The following MDFIC variants were observed in gnomAD, a reference collection of about 807,000 sequenced individuals.
MDFIC encodes the protein myoD family inhibitor domain-containing protein.
Under a neutral mutation model 23.2 loss-of-function variants are expected in MDFIC, and 17 were observed. The observed-to-expected ratio is 0.73, with a 90% CI of 0.50 to 1.10. MDFIC has a LOEUF of 1.10. Among genes scored for constraint, MDFIC ranks in the 50% least tolerant of loss-of-function variants. The pLI is 0.00. For missense variants in MDFIC, 356 were observed against 316.6 expected, an observed-to-expected ratio of 1.12 and a Z score of -0.95; for synonymous variants, 120 against 115.2, an observed-to-expected ratio of 1.04 and a Z score of -0.27.
intron 4 of MDFIC, chr7:115,014,665 G>T: frequency 1.8e-6 from 1 of 565,504 alleles, no homozygotes; most frequent in Non-Finnish European, 2.5e-6. Context: ...ATTAATTCTG[G>T]TAAAAATTCA....
chr7:115,009,452 T>C (rs1379909759), intron 4 of MDFIC, among the ~76,000 whole-genome samples: 1 of 152,226 alleles, frequency 6.6e-6, no homozygotes, highest in Non-Finnish European at 1.5e-5. Flanking sequence ...TCAGGGTTCC[T>C]TTCACTTTAA....
chr7:114,983,318 T>C (rs1793450118), intron 4 of MDFIC, among the ~76,000 whole-genome samples: 1 of 150,484 alleles, frequency 6.6e-6, no homozygotes, highest in Non-Finnish European at 1.5e-5. Context: ...TGGAATAACA[T>C]TTTTTTTGGT....
At chr7:115,009,101 G>C (rs1375568052) in intron 4 of MDFIC, among the ~76,000 whole-genome samples, 1 of 152,198 alleles carries the variant, frequency 6.6e-6, no homozygotes, top group African/African-American at 2.4e-5. Context: ...TTATTGGCCT[G>C]TTAAATGCTA....
At position 114,941,432 on chromosome 7, in the gene MDFIC, C is replaced by T. The variant is rs139495620; in HGVS notation, c.95-843C>T. Among the ~76,000 whole-genome samples, 223 of 152,314 alleles carry T rather than the reference C, an allele frequency of 1.5e-3. 1 individual carries two copies. Among genetic ancestry groups the T allele is most frequent in the Non-Finnish European group, 2.4e-3 (165 of 68,032 alleles). On this transcript the variant is annotated intron_variant, in intron 2 of 4. Transcript: ENST00000393486. ...CAGAGAGTTGGAACCTTTGCCCAAA[C>T]GTCTGCTTTTGGAGTTTGCCCGTGC...
chr7:115,006,359 G>T (rs1328882743), intron 4 of MDFIC, among the ~76,000 whole-genome samples: 1 of 152,142 alleles, frequency 6.6e-6, no homozygotes. Flanking sequence ...TGTCCTAGGT[G>T]ACCTGGCCAA....
At chr7:114,973,511 G>T (rs963959490) in intron 3 of MDFIC, among the ~76,000 whole-genome samples, 4 of 152,130 alleles carry the variant, frequency 2.6e-5, no homozygotes, top group Non-Finnish European at 5.9e-5. Flanking sequence ...GAACCTAACT[G>T]CAAGGGAAAG....
At position 114,977,919 on chromosome 7, in the gene MDFIC, CATAA is replaced by C. The variant is rs1793347277; in HGVS notation, c.218-1583_218-1580del. The stretch of plus-strand genomic sequence containing the variant: ...TTTTATTTATATATTTTATATATCA[CATAA>C]ATATTATATATGTATTATATAATAA... On this transcript the variant is annotated intron_variant, in intron 3 of 4. Coordinates refer to ENST00000393486, the MANE Select transcript of MDFIC (RefSeq NM_001166345.3). Among the ~76,000 whole-genome samples the C allele has an allele frequency of 2.7e-5, 4 of 146,890 alleles. No individual in the cohort carries two copies. The South Asian group carries it at 8.5e-4, about 31-fold the overall frequency.
chr7:114,945,797 A>G (rs926791425), intron 3 of MDFIC, among the ~76,000 whole-genome samples: 5 of 152,162 alleles, frequency 3.3e-5, no homozygotes, highest in Admixed American at 1.3e-4. Flanking sequence ...TTTATGAAAA[A>G]AGTTTATAAT....
intron 2 of MDFIC, among the ~76,000 whole-genome samples, chr7:114,932,299 G>T (rs1031669521): frequency 6.6e-6 from 1 of 152,172 alleles, no homozygotes; most frequent in South Asian, 2.1e-4. Context: ...AAGAGACTGA[G>T]GCACTGGTAG....
chr7:114,973,101 G>GTATATA lies in MDFIC; in HGVS notation c.218-6389_218-6384dup, dbSNP rs61549771. Among the ~76,000 whole-genome samples the GTATATA allele has an allele frequency of 6.7e-3, 986 of 147,746 alleles. 9 individuals carry two copies. Among genetic ancestry groups the GTATATA allele is most frequent in the African/African-American group, 0.022 (903 of 40,252 alleles). On this transcript the variant is annotated intron_variant, in intron 3 of 4. Coordinates refer to ENST00000393486, the MANE Select transcript of MDFIC (RefSeq NM_001166345.3). ...GGCAGTTTATGTATCGTGTGTGTGT[G>GTATATA]TATATATATATATATATATATGAAT...
intron 3 of MDFIC, among the ~76,000 whole-genome samples, chr7:114,950,409 A>C (rs1429409444): frequency 6.6e-6 from 1 of 152,162 alleles, no homozygotes; most frequent in Non-Finnish European, 1.5e-5. Flanking sequence ...TGATTTGTGG[A>C]TATTGTCCAA....
At chr7:114,998,739 G>C (rs1791396963) in intron 4 of MDFIC, among the ~76,000 whole-genome samples, 1 of 151,908 alleles carries the variant, frequency 6.6e-6, no homozygotes, top group African/African-American at 2.4e-5. Flanking sequence ...TTCCATCTCT[G>C]TATATACTTA....
rs558588244 is a variant in MDFIC at position 114,947,335 on chromosome 7, C to A, written c.217+4938C>A. On this transcript the variant is annotated intron_variant, in intron 3 of 4. Coordinates refer to ENST00000393486, the MANE Select transcript of MDFIC (RefSeq NM_001166345.3). The stretch of plus-strand genomic sequence containing the variant: ...TCCATTTGGCTCTCAGAAAAATTCT[C>A]TTTTTATTCAGTATGTTGGACGTTA... 2.0e-5 allele frequency among the ~76,000 whole-genome samples: 3 copies of A among 152,270 alleles called. No individual in the cohort carries two copies. In the East Asian group the frequency reaches 5.8e-4, roughly 29 times the overall value.
intron 3 of MDFIC, among the ~76,000 whole-genome samples, chr7:114,960,876 C>T (rs1792977381): frequency 6.6e-6 from 1 of 152,042 alleles, no homozygotes; most frequent in South Asian, 2.1e-4. Context: ...TATGTGAAGA[C>T]ATTTCTTCAA....
At chr7:114,955,814 T>C (rs1334693812) in intron 3 of MDFIC, among the ~76,000 whole-genome samples, 1 of 152,198 alleles carries the variant, frequency 6.6e-6, no homozygotes, top group Non-Finnish European at 1.5e-5. Flanking sequence ...TTTTTATTAG[T>C]AATATTAACA....
chr7:114,973,755 G>A (rs982553507), intron 3 of MDFIC, among the ~76,000 whole-genome samples: 1 of 152,074 alleles, frequency 6.6e-6, no homozygotes, highest in Admixed American at 6.6e-5. Flanking sequence ...CATTAAAACC[G>A]AACTAATGTT....
chr7:114,977,478 G>C (rs1433768528), intron 3 of MDFIC, among the ~76,000 whole-genome samples: 1 of 152,100 alleles, frequency 6.6e-6, no homozygotes, highest in Middle Eastern at 3.2e-3. Flanking sequence ...TTCACTCCCT[G>C]TGTTGAGAGG....
chr7:114,978,923 C>G (rs1793367063), intron 3 of MDFIC, among the ~76,000 whole-genome samples: 2 of 151,974 alleles, frequency 1.3e-5, no homozygotes, highest in Admixed American at 1.3e-4. Context: ...TCTTGTATTC[C>G]TAATTTTTCA....
chr7:114,964,865 C>G (rs1408743063), intron 3 of MDFIC, among the ~76,000 whole-genome samples: 2 of 152,136 alleles, frequency 1.3e-5, no homozygotes, highest in Non-Finnish European at 2.9e-5. Context: ...CGTCATTTTT[C>G]TATGTGGTCA....
Sources: allele counts gnomAD v4.1 joint callset (sites outside exome capture counted in the v4.1 genomes callset), GRCh38; gene constraint gnomAD v4.1.1; transcripts MANE v1.5; gene names NCBI Gene and HGNC (gene_info 2026-07-23, HGNC 2026-07-21).